The following GALNT13 variants were observed in gnomAD, a reference collection of about 807,000 sequenced individuals.
GALNT13 encodes polypeptide N-acetylgalactosaminyltransferase 13, also known as UDP-GalNAc:polypeptide N-acetylgalactosaminyltransferase 13.
Under a neutral mutation model 64.2 loss-of-function variants are expected in GALNT13, and 28 were observed. That is an observed-to-expected ratio of 0.44 (90% CI 0.32 to 0.60). The LOEUF (loss-of-function observed/expected upper bound fraction) is 0.60. GALNT13 is among the 20% of genes least tolerant of loss of function. The probability of loss-of-function intolerance (pLI) is 0.05; values close to 1 mark genes in which losing one functional copy is unlikely to be tolerated. For synonymous variants in GALNT13, 214 were observed against 224.6 expected (o/e 0.95, Z 0.42); for missense variants, 577 against 669.8 (o/e 0.86, Z 1.53).
chr2:153,871,991 CG>C lies in GALNT13; in HGVS notation c.-487del, dbSNP rs1436498963. 17 of 152,312 alleles carry C rather than the reference CG, an allele frequency of 1.1e-4. No homozygotes were observed. The highest frequency in any genetic ancestry group is 4.1e-4 in the African/African-American group (17 of 41,554). The allele number at this position is 152,312 out of a possible 1,614,324, so 9.4% of individuals were successfully genotyped here. On this transcript the variant is annotated 5_prime_UTR_variant, in exon 1 of 13. Transcript: ENST00000392825. The stretch of plus-strand genomic sequence containing the variant: ...CCCTCGCTCGCTCTGGGCGCCTCCT[CG>C]GCCTCAGCGTCCGCTCTGGCCGCGC...
the GALNT13 span, among the ~76,000 whole-genome samples, chr2:153,763,608 T>G: frequency 9.2e-5 from 14 of 152,174 alleles, no homozygotes; most frequent in Non-Finnish European, 1.5e-4. Flanking sequence ...GAACTGTGAG[T>G]CAACTAAATC....
At chr2:153,523,593 G>A in the GALNT13 span, among the ~76,000 whole-genome samples, 2 of 152,138 alleles carry the variant, frequency 1.3e-5, no homozygotes, top group Non-Finnish European at 2.9e-5. Context: ...AATATTGTGA[G>A]TTTAATTTCA....
chr2:153,956,167 C>T (rs963974382), intron 3 of GALNT13, among the ~76,000 whole-genome samples: 1 of 152,176 alleles, frequency 6.6e-6, no homozygotes, highest in African/African-American at 2.4e-5. Flanking sequence ...AAACACTGTT[C>T]CCACAGACCT....
chr2:154,099,210 T>C (rs1702224867), intron 3 of GALNT13, among the ~76,000 whole-genome samples: 1 of 152,184 alleles, frequency 6.6e-6, no homozygotes, highest in Admixed American at 6.6e-5. Context: ...GCTGCTTGCA[T>C]GTCTTACTTT....
At chr2:153,441,986 T>C in the GALNT13 span, among the ~76,000 whole-genome samples, 1 of 152,162 alleles carries the variant, frequency 6.6e-6, no homozygotes, top group African/African-American at 2.4e-5. Flanking sequence ...AATACTATGT[T>C]GAATAGAAGT....
intron 8 of GALNT13, chr2:154,287,093 C>T: frequency 2.1e-6 from 2 of 958,970 alleles, no homozygotes; most frequent in Non-Finnish European, 3.3e-6. Flanking sequence ...TTTGGGCAAG[C>T]AGCCACCTTT....
chr2:154,288,373 C>T (rs1692400558), intron 8 of GALNT13, among the ~76,000 whole-genome samples: 2 of 151,954 alleles, frequency 1.3e-5, no homozygotes, highest in African/African-American at 4.8e-5. Context: ...ACCTCTGGCC[C>T]CTCCCAAATG....
intron 2 of GALNT13, among the ~76,000 whole-genome samples, chr2:153,901,208 C>G (rs1688212593): frequency 6.6e-6 from 1 of 152,084 alleles, no homozygotes. Flanking sequence ...GTATCAGTGC[C>G]TTGCAGTTTT....
chr2:154,440,577 G>A, intron 12 of GALNT13, among the ~76,000 whole-genome samples: 1 of 152,056 alleles, frequency 6.6e-6, no homozygotes, highest in East Asian at 1.9e-4. Flanking sequence ...TTTGTGTCAT[G>A]TTTACTTTGA....
the GALNT13 span, among the ~76,000 whole-genome samples, chr2:153,248,471 A>G: frequency 6.6e-6 from 1 of 151,120 alleles, no homozygotes. Flanking sequence ...CCGCTTGATT[A>G]TTTTAATAGA....
intron 3 of GALNT13, among the ~76,000 whole-genome samples, chr2:154,094,659 G>C (rs1023468599): frequency 6.6e-6 from 1 of 151,422 alleles, no homozygotes; most frequent in Admixed American, 6.6e-5. Flanking sequence ...ATTTAATTTA[G>C]CACTGAGTAG....
chr2:153,959,882 C>T (rs1692822956), intron 3 of GALNT13, among the ~76,000 whole-genome samples: 1 of 152,038 alleles, frequency 6.6e-6, no homozygotes, highest in Non-Finnish European at 1.5e-5. Context: ...AGGCAGGTAA[C>T]TGACAGGGCT....
At chr2:153,843,923 A>G in the GALNT13 span, among the ~76,000 whole-genome samples, 1 of 152,184 alleles carries the variant, frequency 6.6e-6, no homozygotes, top group Non-Finnish European at 1.5e-5. Context: ...GTGGGCTCCC[A>G]AGGCCTTGGG....
At chr2:153,272,379 T>C in the GALNT13 span, among the ~76,000 whole-genome samples, 1 of 150,924 alleles carries the variant, frequency 6.6e-6, no homozygotes, top group Non-Finnish European at 1.5e-5. Flanking sequence ...AAAGGGATAG[T>C]ATCCAGAAGA....
At chr2:154,230,435 A>G (rs987859200) in intron 4 of GALNT13, among the ~76,000 whole-genome samples, 3 of 152,130 alleles carry the variant, frequency 2.0e-5, no homozygotes, top group Non-Finnish European at 4.4e-5. Context: ...TTCCAAAACA[A>G]CAAAGGCCAC....
At chr2:153,141,559 TG>T in the GALNT13 span, among the ~76,000 whole-genome samples, 1 of 152,006 alleles carries the variant, frequency 6.6e-6, no homozygotes, top group African/African-American at 2.4e-5. Flanking sequence ...AACTGGGAGC[TG>T]GGAGAAGACA....
At chr2:153,357,228 G>A in the GALNT13 span, 1 of 152,084 alleles carries the variant, frequency 6.6e-6, no homozygotes, top group Non-Finnish European at 1.5e-5. Flanking sequence ...AAGTTTAATT[G>A]TATACTTTCT....
the GALNT13 span, among the ~76,000 whole-genome samples, chr2:153,082,636 C>T: frequency 8.9e-4 from 93 of 104,878 alleles, no homozygotes; most frequent in African/African-American, 1.5e-3. Context: ...CACACACACA[C>T]ACACACACAC....
chr2:154,241,978 ATCAGG>A (rs1689512411), intron 4 of GALNT13, 47 bp from the exon 5 acceptor site: 1 of 1,160,128 alleles, frequency 8.6e-7, no homozygotes, highest in African/African-American at 1.6e-5. Flanking sequence ...TTTTAAAATA[ATCAGG>A]ATAAAAAATG....
Sources: gnomAD v4.1 joint callset for allele counts (sites outside exome capture counted in the v4.1 genomes callset) on GRCh38, gnomAD v4.1.1 for gene constraint, MANE v1.5 for transcripts, NCBI Gene and HGNC (gene_info 2026-07-23, HGNC 2026-07-21) for gene names.